The following ANAPC10 variants were observed in gnomAD, a reference collection of about 807,000 sequenced individuals.
The protein encoded by ANAPC10 is anaphase promoting complex subunit 10.
A neutral mutation model predicts 22.0 loss-of-function variants in ANAPC10; 12 were observed. The observed-to-expected ratio is 0.55, with a 90% CI of 0.35 to 0.88. ANAPC10 has a LOEUF of 0.88. ANAPC10 is among the 40% of genes least tolerant of loss of function. ANAPC10 has a pLI of 0.01. For synonymous variants in ANAPC10, 65 were observed against 69.5 expected (o/e 0.94, Z 0.32); for missense variants, 188 against 220.9 (o/e 0.85, Z 0.94).
intron 2 of ANAPC10, among the ~76,000 whole-genome samples, chr4:145,085,871 T>C (rs184871826): frequency 2.0e-5 from 3 of 151,884 alleles, no homozygotes; most frequent in Admixed American, 1.3e-4. Flanking sequence ...TTTTTCTTTT[T>C]TTTTTTTTTT....
intron 4 of ANAPC10, among the ~76,000 whole-genome samples, chr4:145,013,261 ATCTT>A (rs1734625141): frequency 6.6e-6 from 1 of 152,134 alleles, no homozygotes; most frequent in African/African-American, 2.4e-5. Flanking sequence ...TTACAAACTA[ATCTT>A]TCTCATGAGC....
intron 2 of ANAPC10, among the ~76,000 whole-genome samples, chr4:145,087,606 T>C (rs1396698424): frequency 6.6e-6 from 1 of 152,252 alleles, no homozygotes; most frequent in East Asian, 1.9e-4. Context: ...ATTAAAAATT[T>C]AGTTCCTCAG....
At chr4:145,044,504 C>T (rs554882560) in intron 4 of ANAPC10, among the ~76,000 whole-genome samples, 1 of 152,206 alleles carries the variant, frequency 6.6e-6, no homozygotes, top group South Asian at 2.1e-4. Context: ...CCCACCTCCA[C>T]CCACAGTCTG....
Position 145,034,523 on chromosome 4 carries a change from T to TTATATATATATATATATA in ANAPC10, c.327+30031_327+30048dup, listed in dbSNP as rs370113295. Among the ~76,000 whole-genome samples the TTATATATATATATATATA allele has an allele frequency of 7.5e-3, 686 of 91,008 alleles. 2 individuals are homozygous for TTATATATATATATATATA. Among genetic ancestry groups the TTATATATATATATATATA allele is most frequent in the East Asian group, 0.018 (37 of 2,076 alleles). 59.7% of individuals were successfully genotyped at this position (91,008 alleles called of 152,430 possible). The stretch of plus-strand genomic sequence containing the variant: ...AAGTTAACACTTAACAAACTCTCCT[T>TTATATATATATATATATA]TATATATATATATATATATATGTGT... On this transcript the variant is annotated intron_variant, in intron 4 of 4. Transcript: ENST00000507656.
At chr4:145,097,179 G>C (rs527857263) in intron 1 of ANAPC10, 12 of 289,354 alleles carry the variant, frequency 4.1e-5, no homozygotes, top group Non-Finnish European at 6.1e-5. Flanking sequence ...TCCAGCCTGC[G>C]TAACAGAGCA....
intron 4 of ANAPC10, among the ~76,000 whole-genome samples, chr4:145,030,347 C>G (rs2081470): frequency 0.02 from 3,032 of 152,282 alleles, 98 homozygotes; most frequent in African/African-American, 0.068. Context: ...CACTACATTA[C>G]CAACAATTTA....
chr4:145,072,007 A>AC (rs562736793), intron 3 of ANAPC10, among the ~76,000 whole-genome samples: 89 of 152,022 alleles, frequency 5.9e-4, no homozygotes, highest in African/African-American at 2.0e-3. Context: ...GACAAAAAAA[A>AC]CACAAAAAAA....
chr4:145,013,447 G>GA (rs1334026713), intron 4 of ANAPC10, among the ~76,000 whole-genome samples: 1 of 151,932 alleles, frequency 6.6e-6, no homozygotes, highest in Non-Finnish European at 1.5e-5. Flanking sequence ...CTCATTATAT[G>GA]AAAAAAACCC....
At chr4:145,075,422 C>T (rs1189726235) in intron 3 of ANAPC10, among the ~76,000 whole-genome samples, 1 of 151,726 alleles carries the variant, frequency 6.6e-6, no homozygotes, top group East Asian at 1.9e-4. Context: ...AAAAGAATCT[C>T]AGGGTTGATC....
intron 3 of ANAPC10, among the ~76,000 whole-genome samples, chr4:145,074,150 A>G (rs1560913007): frequency 1.3e-5 from 2 of 151,312 alleles, no homozygotes; most frequent in African/African-American, 4.8e-5. Context: ...TATATAAAAC[A>G]TATATTATAT....
chr4:145,014,937 T>C (rs1041395679), intron 4 of ANAPC10, among the ~76,000 whole-genome samples: 1 of 152,006 alleles, frequency 6.6e-6, no homozygotes, highest in Non-Finnish European at 1.5e-5. Context: ...ATCTGAACAA[T>C]AGCCTTCAGC....
intron 4 of ANAPC10, among the ~76,000 whole-genome samples, chr4:145,014,562 C>T (rs1035319679): frequency 5.9e-5 from 9 of 152,086 alleles, no homozygotes; most frequent in African/African-American, 2.2e-4. Flanking sequence ...CCCCGCCCAC[C>T]GTCTGATCCT....
intron 3 of ANAPC10, among the ~76,000 whole-genome samples, chr4:145,072,341 C>T (rs1744607009): frequency 6.6e-6 from 1 of 152,090 alleles, no homozygotes; most frequent in Non-Finnish European, 1.5e-5. Flanking sequence ...TTCACCTTAA[C>T]AGATCAGTAA....
intron 4 of ANAPC10, among the ~76,000 whole-genome samples, chr4:145,041,695 T>C (rs1398471498): frequency 1.3e-5 from 2 of 152,168 alleles, no homozygotes; most frequent in South Asian, 2.1e-4. Context: ...AAGAAGCAAA[T>C]TGAGGAGCAA....
At chr4:145,055,234 C>CT (rs1018806078) in intron 4 of ANAPC10, among the ~76,000 whole-genome samples, 26 of 152,180 alleles carry the variant, frequency 1.7e-4, no homozygotes, top group African/African-American at 6.3e-4. Flanking sequence ...AAATACATAC[C>CT]TTTTGCACCT....
chr4:145,066,245 A>G (rs755965337), intron 3 of ANAPC10, among the ~76,000 whole-genome samples: 1 of 152,124 alleles, frequency 6.6e-6, no homozygotes, highest in South Asian at 2.1e-4. Context: ...TCAAGAGGTA[A>G]AACACTAAAT....
intron 2 of ANAPC10, among the ~76,000 whole-genome samples, chr4:145,092,591 C>A (rs543227489): frequency 6.6e-6 from 1 of 152,228 alleles, no homozygotes; most frequent in Admixed American, 6.5e-5. Flanking sequence ...CACTGAGAGC[C>A]CAAAACACAA....
chr4:144,998,226 C>G (rs529479953), intron 4 of ANAPC10, among the ~76,000 whole-genome samples: 4 of 152,154 alleles, frequency 2.6e-5, no homozygotes, highest in African/African-American at 9.7e-5. Context: ...CTGCACCAAG[C>G]GGACCTAATA....
chr4:145,081,742 C>G lies in ANAPC10; in HGVS notation c.124G>C (p.Val42Leu), dbSNP rs1031197300. The G allele has an allele frequency of 1.9e-6, 3 of 1,611,662 alleles. No individual in the cohort carries two copies. Among genetic ancestry groups the G allele is most frequent in the Non-Finnish European group, 2.5e-6 (3 of 1,178,766 alleles). The change falls in exon 3 of 5, where the codon GTG (valine) becomes CTG (leucine). Residue 42 changes from valine (V) to leucine (L), a missense_variant. Transcript: ENST00000507656. ...AGATTGTCATCTCGTAACTGATCCA[C>G]TCCAAATCCTAAAAACACCAAAAGT... Reference protein sequence around the residue: ...SLSSCKPGFGVDQLRDDNLET... With the variant: ...SLSSCKPGFGLDQLRDDNLET...
Sources: gnomAD v4.1 joint callset for allele counts (sites outside exome capture counted in the v4.1 genomes callset) on GRCh38, gnomAD v4.1.1 for gene constraint, MANE v1.5 for transcripts, NCBI Gene and HGNC (gene_info 2026-07-23, HGNC 2026-07-21) for gene names.